COL23A1: variants seen among roughly 807,000 people sequenced by gnomAD.
The protein encoded by COL23A1 is collagen type XXIII alpha 1 chain.
In COL23A1, 97 loss-of-function variants were observed where a neutral mutation model predicts 99.3. That is an observed-to-expected ratio of 0.98 (90% CI 0.83 to 1.16). COL23A1 has a LOEUF of 1.16. Among genes scored for constraint, COL23A1 ranks in the 50% most tolerant of loss-of-function variants. The pLI, the probability that COL23A1 is intolerant of heterozygous loss-of-function variation, is 0.00. For missense variants in COL23A1, 762 were observed against 757.4 expected, an observed-to-expected ratio of 1.01 and a Z score of -0.07; for synonymous variants, 320 against 308.2, an observed-to-expected ratio of 1.04 and a Z score of -0.40.
At chr5:178,476,885 CTT>C (rs1757058634) in intron 2 of COL23A1, among the ~76,000 whole-genome samples, 1 of 152,232 alleles carries the variant, frequency 6.6e-6, no homozygotes, top group Non-Finnish European at 1.5e-5. Context: ...ACTCACATGA[CTT>C]AAACTACTTC....
At position 178,308,966 on chromosome 5, in the gene COL23A1, G is replaced by A. The variant is rs1370626649; in HGVS notation, c.362-2047C>T. On this transcript the variant is annotated intron_variant, in intron 2 of 28. Transcript: ENST00000390654. This position sits in a 1 kb window ranked among gnomAD's most constrained non-coding sequence, Gnocchi z 5.1. ...CAGTGGCCACCCACAAAGCTTCGGG[G>A]CTCTTGCCAGGCCTCAGGTTGTGCT... Among the ~76,000 whole-genome samples the A allele has an allele frequency of 2.0e-5, 3 of 152,180 alleles. No individual in the cohort carries two copies. Among genetic ancestry groups the A allele is most frequent in the Admixed American group, 6.5e-5 (1 of 15,292 alleles).
chr5:178,432,009 A>T (rs1460482521), intron 2 of COL23A1, among the ~76,000 whole-genome samples: 1 of 152,250 alleles, frequency 6.6e-6, no homozygotes, highest in Non-Finnish European at 1.5e-5. Flanking sequence ...GAAATGATTT[A>T]CCAGTTCTGA....
At chr5:178,356,234 AG>A (rs1761643496) in intron 2 of COL23A1, among the ~76,000 whole-genome samples, 1 of 152,168 alleles carries the variant, frequency 6.6e-6, no homozygotes. Context: ...CAATGGGTAC[AG>A]GACTTCTTTT....
At chr5:178,418,844 T>C (rs1765450611) in intron 2 of COL23A1, among the ~76,000 whole-genome samples, 2 of 152,236 alleles carry the variant, frequency 1.3e-5, no homozygotes, top group South Asian at 4.1e-4. Context: ...GCCCTGATTC[T>C]GGCAGGACTG....
In COL23A1 at chr5:178,428,607, C is replaced by T. The variant is rs1009681224; in HGVS notation, c.362-121688G>A. ...CCTGCCCGGCCCAGGCCTTTTTAGC[C>T]CCCGAGCCAGGATGGCAGCCTCTTC... On this transcript the variant is annotated intron_variant, in intron 2 of 28. Coordinates refer to ENST00000390654, the MANE Select transcript of COL23A1 (RefSeq NM_173465.4). The surrounding 1 kb of genome is among the most constrained non-coding windows in gnomAD (Gnocchi z 5.0). 6.6e-6 allele frequency among the ~76,000 whole-genome samples: 1 copy of T among 152,254 alleles called. No homozygotes were observed. The highest frequency in any genetic ancestry group is 2.4e-5 in the African/African-American group (1 of 41,466).
intron 2 of COL23A1, among the ~76,000 whole-genome samples, chr5:178,472,307 T>C (rs2546641): frequency 0.93 from 141,981 of 152,208 alleles, 66,327 homozygotes; most frequent in East Asian, 1. Context: ...GGAGCCACAG[T>C]CTATCCCAAT....
chr5:178,276,047 C>T (rs573481626), intron 5 of COL23A1, among the ~76,000 whole-genome samples: 4 of 152,334 alleles, frequency 2.6e-5, no homozygotes, highest in Non-Finnish European at 5.9e-5. Flanking sequence ...AACTGGTGGT[C>T]CTATAACCGT....
At chr5:178,355,522 A>C (rs1761592022) in intron 2 of COL23A1, among the ~76,000 whole-genome samples, 1 of 152,174 alleles carries the variant, frequency 6.6e-6, no homozygotes, top group Admixed American at 6.5e-5. Flanking sequence ...GTAATTTATA[A>C]AGAAAAGAGG....
chr5:178,549,062 C>A (rs933653728), intron 2 of COL23A1, among the ~76,000 whole-genome samples: 4 of 152,126 alleles, frequency 2.6e-5, no homozygotes, highest in Non-Finnish European at 5.9e-5. Flanking sequence ...ATGGCACGAT[C>A]TCGGCTCACT....
At position 178,399,123 on chromosome 5, in the gene COL23A1, G is replaced by A. The variant is rs115101939; in HGVS notation, c.362-92204C>T. ...GGTCATGCACACGGATGCTGGCATC[G>A]AAATACATCCTGATCAGATGGCTCC... On this transcript the variant is annotated intron_variant, in intron 2 of 28. Coordinates refer to ENST00000390654, the MANE Select transcript of COL23A1 (RefSeq NM_173465.4). Among the ~76,000 whole-genome samples, 449 of 152,338 alleles carry A rather than the reference G, an allele frequency of 2.9e-3. 1 individual carries two copies. The highest frequency in any genetic ancestry group is 0.01 in the African/African-American group (421 of 41,594).
chr5:178,587,302 T>A (rs1764053852), intron 1 of COL23A1, among the ~76,000 whole-genome samples: 1 of 152,230 alleles, frequency 6.6e-6, no homozygotes, highest in South Asian at 2.1e-4. Flanking sequence ...GAAGGGTCTT[T>A]AATGATCATG....
In COL23A1 at chr5:178,424,038, T is replaced by G. The variant is rs1036451482; in HGVS notation, c.362-117119A>C. Reference sequence around the variant, plus strand: ...ACTTTCTCATTGTCACACAAATAAATAGCAGAACCTAAGGCCCTCTTCCTT... The same window carrying G: ...ACTTTCTCATTGTCACACAAATAAAGAGCAGAACCTAAGGCCCTCTTCCTT... On this transcript the variant is annotated intron_variant, in intron 2 of 28. Coordinates refer to ENST00000390654, the MANE Select transcript of COL23A1 (RefSeq NM_173465.4). Among the ~76,000 whole-genome samples, 5 of 152,158 alleles carry G rather than the reference T, an allele frequency of 3.3e-5. No individual in the cohort carries two copies. In the South Asian group the frequency reaches 1.0e-3, roughly 32 times the overall value.
At chr5:178,285,565 T>G (rs1757107123) in intron 5 of COL23A1, among the ~76,000 whole-genome samples, 1 of 152,248 alleles carries the variant, frequency 6.6e-6, no homozygotes, top group Non-Finnish European at 1.5e-5. Context: ...AAGACAGTGA[T>G]ATTTATAGAA....
Position 178,239,176 on chromosome 5 carries a change from G to A in COL23A1, c.1585C>T (p.Pro529Ser), listed in dbSNP as rs1764261224. Reference sequence around the variant, plus strand: ...CAGCCAGGCACAGGCAGCCCGTCGGGGCCCTGGAAAGGAAGAAGGTTTCAG... The same window carrying A: ...CAGCCAGGCACAGGCAGCCCGTCGGAGCCCTGGAAAGGAAGAAGGTTTCAG... ...PGLDQPCPVG[P>S]DGLPVPGCWH... is the part of the protein sequence containing the mutation. Residue 529 changes from proline to serine, a missense_variant, in exon 28 of 29, where the codon CCC (proline) becomes TCC (serine). By Grantham distance (74) the Pro-to-Ser change is moderately conservative. Coordinates refer to ENST00000390654, the MANE Select transcript of COL23A1 (RefSeq NM_173465.4). The A allele has an allele frequency of 6.2e-7, 1 of 1,614,052 alleles. No homozygotes were observed. Among genetic ancestry groups the A allele is most frequent in the South Asian group, 1.1e-5 (1 of 91,084 alleles).
chr5:178,342,444 G>T (rs1038911511), intron 2 of COL23A1, among the ~76,000 whole-genome samples: 2 of 152,186 alleles, frequency 1.3e-5, no homozygotes, highest in African/African-American at 4.8e-5. Context: ...GGCTGGCAGG[G>T]GCAGTCTGGG....
intron 2 of COL23A1, among the ~76,000 whole-genome samples, chr5:178,362,186 T>A (rs988297656): frequency 6.6e-6 from 1 of 152,198 alleles, no homozygotes; most frequent in Non-Finnish European, 1.5e-5. Context: ...CGGCTCCTCC[T>A]GTCCCTGCCT....
intron 2 of COL23A1, among the ~76,000 whole-genome samples, chr5:178,503,116 T>C (rs1758665189): frequency 1.3e-5 from 2 of 152,230 alleles, no homozygotes; most frequent in Non-Finnish European, 2.9e-5. Flanking sequence ...ACACAGTGGC[T>C]CACGCCTGTA....
At chr5:178,270,791 T>C (rs967040474) in intron 5 of COL23A1, among the ~76,000 whole-genome samples, 1 of 152,158 alleles carries the variant, frequency 6.6e-6, no homozygotes, top group African/African-American at 2.4e-5. Context: ...GACCACCACA[T>C]GGCTTGAGAA....
At chr5:178,526,390 T>C (rs148132895) in intron 2 of COL23A1, among the ~76,000 whole-genome samples, 44 of 152,218 alleles carry the variant, frequency 2.9e-4, no homozygotes, top group Non-Finnish European at 6.0e-4. Context: ...CCAGGGAACG[T>C]CCTCTATGGG....
Sources: gnomAD v4.1 joint callset for allele counts (sites outside exome capture counted in the v4.1 genomes callset) on GRCh38, gnomAD v4.1.1 for gene constraint, Gnocchi (gnomAD v3.1) non-coding constraint, MANE v1.5 for transcripts, NCBI Gene and HGNC (gene_info 2026-07-23, HGNC 2026-07-21) for gene names.